The following GAB1 variants were observed in gnomAD, a reference collection of about 807,000 sequenced individuals.
GAB1 encodes the protein GRB2-associated-binding protein 1.
A neutral mutation model predicts 66.5 loss-of-function variants in GAB1; 19 were observed. That is an observed-to-expected ratio of 0.29 (90% CI 0.20 to 0.42). GAB1 has a LOEUF of 0.42. GAB1 is among the 10% of genes least tolerant of loss of function. The probability of loss-of-function intolerance (pLI) is 1.00; values close to 1 mark genes in which losing one functional copy is unlikely to be tolerated. For synonymous variants in GAB1, 294 were observed against 301.4 expected (o/e 0.98, Z 0.25); for missense variants, 732 against 858.5 (o/e 0.85, Z 1.84).
chr4:143,364,513 AT>A (rs1560720247), intron 1 of GAB1, among the ~76,000 whole-genome samples: 1 of 152,218 alleles, frequency 6.6e-6, no homozygotes, highest in East Asian at 1.9e-4. Context: ...AGTAGTTTAC[AT>A]AAAATTATGG....
At chr4:143,404,756 G>C (rs547479090) in intron 1 of GAB1, among the ~76,000 whole-genome samples, 1 of 152,166 alleles carries the variant, frequency 6.6e-6, no homozygotes, top group Admixed American at 6.5e-5. Context: ...TTGCAAAACT[G>C]AAAACAAAAC....
intron 1 of GAB1, among the ~76,000 whole-genome samples, chr4:143,340,033 T>C (rs1222870050): frequency 1.3e-5 from 2 of 152,202 alleles, no homozygotes; most frequent in Non-Finnish European, 2.9e-5. Flanking sequence ...CTTATTTAAC[T>C]GTCAGGTTAA....
intron 6 of GAB1, among the ~76,000 whole-genome samples, chr4:143,455,601 T>C (rs1373021909): frequency 6.6e-6 from 1 of 152,158 alleles, no homozygotes; most frequent in Non-Finnish European, 1.5e-5. Context: ...AAAGAAGTTC[T>C]AAGAGCATTT....
At chr4:143,387,730 G>T (rs149793129) in intron 1 of GAB1, among the ~76,000 whole-genome samples, 121 of 152,228 alleles carry the variant, frequency 7.9e-4, no homozygotes, top group African/African-American at 2.8e-3. Flanking sequence ...CCTCCTCTAA[G>T]TGTGGCTCTT....
chr4:143,345,180 C>A lies in GAB1; in HGVS notation c.72+7920C>A, dbSNP rs983049306. Among the ~76,000 whole-genome samples, 2 of 152,190 alleles carry A rather than the reference C, an allele frequency of 1.3e-5. 1 individual carries two copies. The highest frequency in any genetic ancestry group is 4.1e-4 in the South Asian group (2 of 4,838). ...CCATTTAATCATTCTTTCCTCACCT[C>A]TTAGTGTGTGTTTCAATAATGTTTA... On this transcript the variant is annotated intron_variant, in intron 1 of 9. Transcript: ENST00000262994.
chr4:143,439,887 T>C lies in GAB1; in HGVS notation c.1281T>C (p.Phe427=). The C allele has an allele frequency of 6.2e-7, 1 of 1,605,254 alleles. No individual in the cohort carries two copies. Among genetic ancestry groups the C allele is most frequent in the African/African-American group, 1.3e-5 (1 of 74,828 alleles). ...SSSLEGFHNH[F]KVKNVLTVGS... ...CACTTGAAGGCTTCCATAACCACTTTGTAAGTATAATTGACCTTGGCATCA... is the reference window on the plus strand; with the variant it reads ...CACTTGAAGGCTTCCATAACCACTTCGTAAGTATAATTGACCTTGGCATCA... Residue 427 remains phenylalanine (F), a splice_region_variant and synonymous_variant, in exon 5 of 10, where the codon TTT becomes TTC. Transcript: ENST00000262994.
chr4:143,449,525 A>T (rs954356621), intron 6 of GAB1, among the ~76,000 whole-genome samples: 1 of 152,048 alleles, frequency 6.6e-6, no homozygotes, highest in African/African-American at 2.4e-5. Context: ...TGTTGAATTG[A>T]TCTCTTTACC....
chr4:143,420,269 A>G (rs1179106334), intron 2 of GAB1, among the ~76,000 whole-genome samples: 1 of 152,104 alleles, frequency 6.6e-6, no homozygotes, highest in Non-Finnish European at 1.5e-5. Context: ...TAGATGTGAG[A>G]AGAAATAGAC....
Position 143,466,064 on chromosome 4 carries a change from GA to G in GAB1, c.1804-37del, listed in dbSNP as rs28924072. The G allele has an allele frequency of 6.9e-3, 11,050 of 1,609,314 alleles. 64 individuals carry two copies. The highest frequency in any genetic ancestry group is 0.024 in the Middle Eastern group (143 of 6,036). On this transcript the variant is annotated intron_variant, in intron 8 of 9. Coordinates refer to ENST00000262994, the MANE Select transcript of GAB1 (RefSeq NM_002039.4). ...CAACAGTACGAGTGGTATGTCTGGTGAATGTCTGACCGTTGATTTTGTTGTC... is the reference window on the plus strand; with the variant it reads ...CAACAGTACGAGTGGTATGTCTGGTGATGTCTGACCGTTGATTTTGTTGTC...
chr4:143,380,071 C>T (rs1050467287), intron 1 of GAB1, among the ~76,000 whole-genome samples: 5 of 149,954 alleles, frequency 3.3e-5, no homozygotes, highest in Admixed American at 6.7e-5. Flanking sequence ...GAATTTCTAA[C>T]GTGGACCCTG....
intron 1 of GAB1, chr4:143,343,590 A>T (rs1156912209): frequency 6.5e-6 from 1 of 154,810 alleles, no homozygotes; most frequent in Non-Finnish European, 1.5e-5. Context: ...GGAGTTTCTA[A>T]TCTGTTTGTG....
In GAB1 at chr4:143,447,346, A is replaced by C. The variant is rs374439996; in HGVS notation, c.1585+6964A>C. Reference sequence around the variant, plus strand: ...ATTCTGTGAAGAAAGTCATTGGTAGATTGATGGGGATGGCATTGAATCTAT... The same window carrying C: ...ATTCTGTGAAGAAAGTCATTGGTAGCTTGATGGGGATGGCATTGAATCTAT... On this transcript the variant is annotated intron_variant, in intron 6 of 9. Transcript: ENST00000262994. Among the ~76,000 whole-genome samples, 24 of 152,170 alleles carry C rather than the reference A, an allele frequency of 1.6e-4. No homozygotes were observed. The East Asian group carries it at 2.5e-3, about 16-fold the overall frequency.
At chr4:143,390,103 G>C (rs888577694) in intron 1 of GAB1, among the ~76,000 whole-genome samples, 1 of 152,150 alleles carries the variant, frequency 6.6e-6, no homozygotes, top group Admixed American at 6.5e-5. Context: ...GTATTTCATA[G>C]TGCTGGTTCG....
rs774401123 is a variant in GAB1, at chr4:143,469,085, G to A, written c.1981G>A (p.Val661Ile). The A allele has an allele frequency of 6.2e-7, 1 of 1,614,150 alleles. No individual in the cohort carries two copies. Among genetic ancestry groups the A allele is most frequent in the East Asian group, 2.2e-5 (1 of 44,890 alleles). ...AGCAGATGAGAGAGTGGATTATGTT[G>A]TTGTTGACCAACAGAAGACCTTGGC... ...SVADERVDYV[V>I]VDQQKTLALK... Residue 661 changes from valine to isoleucine, a missense_variant, in exon 10 of 10, where the codon GTT becomes ATT. Val to Ile is a conservative substitution (Grantham distance 29). This residue lies in a region of GAB1 where 204 missense variants were observed against 276.8 expected (regional missense o/e 0.74). Transcript: ENST00000262994.
rs1182462393 is a variant in GAB1, at chr4:143,424,776, G to C, written c.368-8715G>C. On this transcript the variant is annotated intron_variant, in intron 2 of 9. Transcript: ENST00000262994. ...TTGAGATCATCCTGGCCAACATGGTGAAACCCTGTCTCTACTAAAAATACA... is the reference window on the plus strand; with the variant it reads ...TTGAGATCATCCTGGCCAACATGGTCAAACCCTGTCTCTACTAAAAATACA... 4.6e-5 allele frequency: 12 copies of C among 261,362 alleles called. No homozygotes were observed. In the South Asian group the frequency reaches 5.7e-4, roughly 12 times the overall value. 16.2% of individuals were successfully genotyped at this position (261,362 alleles called of 1,614,324 possible).
chr4:143,350,806 A>C (rs892685531), intron 1 of GAB1, among the ~76,000 whole-genome samples: 1 of 152,222 alleles, frequency 6.6e-6, no homozygotes, highest in Non-Finnish European at 1.5e-5. Context: ...ATTATGTAAA[A>C]AAATGTGTTC....
rs1273690493 is a variant in GAB1 at position 143,350,039 on chromosome 4, C to T, written c.72+12779C>T. ...CCCCGGATGCCACTGCCGAAACCTCCGCGGAAGCCACCGCGGTTCCCCATC... is the reference window on the plus strand; with the variant it reads ...CCCCGGATGCCACTGCCGAAACCTCTGCGGAAGCCACCGCGGTTCCCCATC... On this transcript the variant is annotated intron_variant, in intron 1 of 9. Coordinates refer to ENST00000262994, the MANE Select transcript of GAB1 (RefSeq NM_002039.4). The T allele has an allele frequency of 1.6e-5, 25 of 1,550,290 alleles. No individual in the cohort carries two copies. The Admixed American group carries it at 1.7e-4, about 10-fold the overall frequency.
chr4:143,380,477 G>C (rs1228077961), intron 1 of GAB1: 3 of 152,084 alleles, frequency 2.0e-5, no homozygotes, highest in African/African-American at 7.2e-5. Flanking sequence ...TATTCCCATA[G>C]TTCTGCCTCA....
chr4:143,469,337 T>C lies in GAB1; in HGVS notation c.*148T>C. 4 of 747,220 alleles carry C rather than the reference T, an allele frequency of 5.4e-6. No individual in the cohort carries two copies. The East Asian group carries it at 1.1e-4, about 20-fold the overall frequency. The allele number at this position is 747,220 out of a possible 1,614,324, so 46.3% of individuals were successfully genotyped here. On this transcript the variant is annotated 3_prime_UTR_variant, in exon 10 of 10. Coordinates refer to ENST00000262994, the MANE Select transcript of GAB1 (RefSeq NM_002039.4). ...GACCTTTCTGACATAATCAAGCAAT[T>C]TAGACTTAAGTGGTGCTTTGTGGTA... is the stretch of plus-strand genomic sequence containing the variant.
Sources: gnomAD v4.1 joint callset for allele counts (sites outside exome capture counted in the v4.1 genomes callset) on GRCh38, gnomAD v4.1.1 for gene constraint, gnomAD v4.1.1 regional missense constraint, MANE v1.5 for transcripts, NCBI Gene and HGNC (gene_info 2026-07-23, HGNC 2026-07-21) for gene names.